CALD1: variants seen among roughly 807,000 people sequenced by gnomAD.
CALD1 encodes the protein caldesmon 1, also known as caldesmon.
CALD1 carries 33 observed loss-of-function variants against 99.9 expected under a neutral mutation model. The ratio of observed to expected loss-of-function variants is 0.33; its 90% CI spans 0.25 to 0.44. The LOEUF is 0.44. Ranked by LOEUF, CALD1 falls within the 20% of genes least tolerant of loss-of-function variation. The pLI is 1.00. For missense variants in CALD1, 861 were observed against 962.1 expected, an observed-to-expected ratio of 0.89 and a Z score of 1.39; for synonymous variants, 310 against 325.0, an observed-to-expected ratio of 0.95 and a Z score of 0.50.
At chr7:134,805,369 A>G (rs1798095345) in intron 1 of CALD1, among the ~76,000 whole-genome samples, 1 of 151,982 alleles carries the variant, frequency 6.6e-6, no homozygotes, top group Non-Finnish European at 1.5e-5. Context: ...CTTTGGCTAT[A>G]TATTGTTTTT....
chr7:134,747,256 G>A (rs2131545423), intron 1 of CALD1, among the ~76,000 whole-genome samples: 1 of 152,288 alleles, frequency 6.6e-6, no homozygotes, highest in Admixed American at 6.5e-5. Flanking sequence ...GAGAAAGCAA[G>A]CCAGAAGAGT....
chr7:134,954,318 T>C (rs1282232803), intron 9 of CALD1, among the ~76,000 whole-genome samples: 2 of 152,296 alleles, frequency 1.3e-5, no homozygotes, highest in South Asian at 2.1e-4. Context: ...TGGGGCAGGG[T>C]GTGGAGTAAC....
chr7:134,941,852 G>C (rs901586314), intron 7 of CALD1, among the ~76,000 whole-genome samples: 1 of 152,136 alleles, frequency 6.6e-6, no homozygotes, highest in Non-Finnish European at 1.5e-5. Context: ...AAACTCTCTT[G>C]TATAGCTTGA....
At chr7:134,866,183 C>A (rs1473361498) in intron 2 of CALD1, among the ~76,000 whole-genome samples, 1 of 152,134 alleles carries the variant, frequency 6.6e-6, no homozygotes, top group Non-Finnish European at 1.5e-5. Context: ...TCTTAGGGAA[C>A]TCTCAAATCA....
intron 1 of CALD1, among the ~76,000 whole-genome samples, chr7:134,760,303 G>T (rs1171068037): frequency 6.6e-6 from 1 of 152,210 alleles, no homozygotes; most frequent in Non-Finnish European, 1.5e-5. Flanking sequence ...TGGATTGAGG[G>T]TGGGGTTTGG....
intron 3 of CALD1, among the ~76,000 whole-genome samples, chr7:134,922,886 A>C (rs1804719670): frequency 6.6e-6 from 1 of 152,198 alleles, no homozygotes; most frequent in Non-Finnish European, 1.5e-5. Context: ...TCAGTGTAAA[A>C]GCCACAGCAT....
At chr7:134,899,449 C>T (rs778883444) in intron 3 of CALD1, among the ~76,000 whole-genome samples, 12 of 152,230 alleles carry the variant, frequency 7.9e-5, no homozygotes, top group Non-Finnish European at 1.8e-4. Context: ...GTGATCCGCC[C>T]GCCTGGCCCT....
At chr7:134,730,032 T>C in the CALD1 span, among the ~76,000 whole-genome samples, 8 of 152,204 alleles carry the variant, frequency 5.3e-5, no homozygotes, top group Middle Eastern at 3.4e-3. Context: ...CAGTCACAGA[T>C]GAGAGAGCAG....
chr7:134,726,747 G>C, the CALD1 span, among the ~76,000 whole-genome samples: 2 of 152,086 alleles, frequency 1.3e-5, no homozygotes, highest in Non-Finnish European at 2.9e-5. Context: ...TTTAATAAAA[G>C]GGTATTGTGT....
chr7:134,956,593 C>T (rs1197553840), intron 9 of CALD1, among the ~76,000 whole-genome samples: 1 of 152,212 alleles, frequency 6.6e-6, no homozygotes, highest in Admixed American at 6.5e-5. Context: ...TAATCTTAGA[C>T]TTCCCAGTCT....
intron 3 of CALD1, among the ~76,000 whole-genome samples, chr7:134,908,140 G>A (rs572807906): frequency 1.3e-5 from 2 of 152,272 alleles, no homozygotes; most frequent in Admixed American, 6.5e-5. Context: ...CATTAAAAGA[G>A]GTTGAGGATA....
chr7:134,771,973 A>G (rs1796881409), intron 1 of CALD1, among the ~76,000 whole-genome samples: 3 of 152,092 alleles, frequency 2.0e-5, no homozygotes, highest in Admixed American at 1.3e-4. Flanking sequence ...TGTGTTAACT[A>G]ATGTGTATAT....
intron 1 of CALD1, among the ~76,000 whole-genome samples, chr7:134,768,339 G>A (rs1219733719): frequency 6.6e-6 from 1 of 152,192 alleles, no homozygotes; most frequent in Non-Finnish European, 1.5e-5. Context: ...GTCAGTGCAG[G>A]CTCTCATTTC....
At chr7:134,831,722 A>G (rs1484966196) in intron 1 of CALD1, among the ~76,000 whole-genome samples, 1 of 152,110 alleles carries the variant, frequency 6.6e-6, no homozygotes, top group African/African-American at 2.4e-5. Flanking sequence ...ACTTCTAGAG[A>G]TTTGATGATT....
chr7:134,715,708 A>G, the CALD1 span, among the ~76,000 whole-genome samples: 2 of 152,224 alleles, frequency 1.3e-5, no homozygotes, highest in African/African-American at 2.4e-5. Context: ...TGGGAATGGG[A>G]TAATTATGCT....
chr7:134,936,754 T>C (rs1806012245), intron 6 of CALD1, among the ~76,000 whole-genome samples: 1 of 152,256 alleles, frequency 6.6e-6, no homozygotes, highest in Non-Finnish European at 1.5e-5. Flanking sequence ...CCCTAGTTCA[T>C]GTTACATATT....
chr7:134,792,089 CCACA>C (rs1393565687), intron 1 of CALD1, among the ~76,000 whole-genome samples: 1 of 152,102 alleles, frequency 6.6e-6, no homozygotes, highest in African/African-American at 2.4e-5. Context: ...ATATCTGATG[CCACA>C]ACAAAATGCA....
chr7:134,722,712 G>A, the CALD1 span, among the ~76,000 whole-genome samples: 1 of 152,140 alleles, frequency 6.6e-6, no homozygotes, highest in Non-Finnish European at 1.5e-5. Context: ...GAACCACCGT[G>A]CCTGGCCTCT....
At chr7:134,715,359 G>A in the CALD1 span, among the ~76,000 whole-genome samples, 2 of 152,112 alleles carry the variant, frequency 1.3e-5, no homozygotes, top group Non-Finnish European at 2.9e-5. Flanking sequence ...AGATCATGTA[G>A]GTCTGCTATA....
Sources: gnomAD v4.1 joint callset for allele counts (sites outside exome capture counted in the v4.1 genomes callset) on GRCh38, gnomAD v4.1.1 for gene constraint, MANE v1.5 for transcripts, NCBI Gene and HGNC (gene_info 2026-07-23, HGNC 2026-07-21) for gene names.